Variants in KICS2 observed in about 807,000 individuals in gnomAD.
The protein encoded by KICS2 is KICSTOR complex protein C12orf66.
KICS2 carries 13 observed loss-of-function variants against 31.4 expected under a neutral mutation model. The ratio of observed to expected loss-of-function variants is 0.41; its 90% confidence interval spans 0.27 to 0.66. The LOEUF is 0.66. Ranked by LOEUF, KICS2 falls within the 30% of genes least tolerant of loss-of-function variation. KICS2 has a pLI of 0.28. For missense variants in KICS2, 455 were observed against 545.4 expected (o/e 0.83, Z 1.65); for synonymous variants, 209 against 214.8 (o/e 0.97, Z 0.24).
At chr12:64,210,768 C>A (rs922016686) in intron 2 of KICS2, among the ~76,000 whole-genome samples, 17 of 152,114 alleles carry the variant, frequency 1.1e-4, no homozygotes, top group African/African-American at 4.1e-4. Flanking sequence ...CAGAACAAGA[C>A]CTCATCTCGA....
chr12:64,221,739 G>C, intron 1 of KICS2: 2 of 569,052 alleles, frequency 3.5e-6, no homozygotes, highest in Non-Finnish European at 6.3e-6. Flanking sequence ...CCATGCACGA[G>C]GCAAAAGGGC....
intron 2 of KICS2, among the ~76,000 whole-genome samples, chr12:64,212,585 T>C (rs78168194): frequency 0.012 from 1,764 of 152,322 alleles, 16 homozygotes; most frequent in Non-Finnish European, 0.018. Flanking sequence ...CATTGGTCAA[T>C]GGACATTTGG....
At chr12:64,190,088 C>T (rs2037367793), downstream of KICS2, among the ~76,000 whole-genome samples, 1 of 152,188 alleles carries the variant, frequency 6.6e-6, no homozygotes, top group Admixed American at 6.5e-5. Flanking sequence ...GTTGGTTAGG[C>T]ATTTATCTGC....
At position 64,194,629 on chromosome 12, in the gene KICS2, T is replaced by C; in HGVS notation, c.551A>G (p.Glu184Gly). The change falls in exon 3 of 3, where the codon GAA becomes GGA. Residue 184 changes from glutamate (E) to glycine (G), a missense_variant. By Grantham distance (98) the Glu-to-Gly change is moderately conservative. Coordinates refer to ENST00000398055, the MANE Select transcript of KICS2 (RefSeq NM_152440.5). ...RFHHPILSPL[E>G]SSFQLEVDVL... The stretch of plus-strand genomic sequence containing the variant: ...GTCAACTTCCAGCTGGAAACTGCTT[T>C]CCAAAGGACTGAGGATTGGGTGGTG... 1 of 1,613,756 alleles carries C rather than the reference T, an allele frequency of 6.2e-7. No homozygotes were observed. The highest frequency in any genetic ancestry group is 1.1e-5 in the South Asian group (1 of 91,056).
intron 2 of KICS2, among the ~76,000 whole-genome samples, chr12:64,203,921 G>A (rs998956663): frequency 6.6e-6 from 1 of 152,144 alleles, no homozygotes; most frequent in African/African-American, 2.4e-5. Flanking sequence ...CACAATCCAT[G>A]GAATACTATG....
intron 1 of KICS2, among the ~76,000 whole-genome samples, chr12:64,216,849 T>A (rs1468745783): frequency 6.6e-6 from 1 of 152,082 alleles, no homozygotes; most frequent in East Asian, 1.9e-4. Context: ...CTTAAGCAAT[T>A]CTGCACCCAC....
At chr12:64,197,582 T>C (rs1243267104) in intron 2 of KICS2, among the ~76,000 whole-genome samples, 2 of 149,902 alleles carry the variant, frequency 1.3e-5, no homozygotes, top group South Asian at 2.1e-4. Flanking sequence ...AATGACAGGA[T>C]CAAATGCACA....
rs186883571 is a variant in KICS2, at chr12:64,195,160, C to T, written c.522-502G>A. ...TGGTTTCAAACTCTAAGTGATCTTC[C>T]CACCTTGGCCTTCCAAAGCGCTGGG... On this transcript the variant is annotated intron_variant, in intron 2 of 2. Transcript: ENST00000398055. Among the ~76,000 whole-genome samples the T allele has an allele frequency of 7.9e-3, 1,207 of 152,232 alleles. 18 individuals carry two copies. Among genetic ancestry groups the T allele is most frequent in the African/African-American group, 0.026 (1,095 of 41,530 alleles).
At chr12:64,189,418 C>G (rs2037362697), downstream of KICS2, among the ~76,000 whole-genome samples, 1 of 152,056 alleles carries the variant, frequency 6.6e-6, no homozygotes, top group Admixed American at 6.6e-5. Flanking sequence ...CAAAGAAAAG[C>G]TGAATCTGAT....
Position 64,194,512 on chromosome 12 carries a change from A to C in KICS2, c.668T>G (p.Leu223Arg). Residue 223 changes from leucine to arginine, a missense_variant, in exon 3 of 3, where the codon CTG (leucine) becomes CGG (arginine). Leu to Arg is a moderately radical substitution (Grantham distance 102). Transcript: ENST00000398055. Reference protein sequence around the residue: ...LVNLHSAHTKLQTWGQIFEKQ... With the variant: ...LVNLHSAHTKRQTWGQIFEKQ... Reference sequence around the variant, plus strand: ...CTCAAAGATCTGGCCCCACGTCTGCAGTTTGGTGTGCGCACTGTGTAAATT... The same window carrying C: ...CTCAAAGATCTGGCCCCACGTCTGCCGTTTGGTGTGCGCACTGTGTAAATT... 6.2e-7 allele frequency: 1 copy of C among 1,614,126 alleles called. No homozygotes were observed. Among genetic ancestry groups the C allele is most frequent in the Non-Finnish European group, 8.5e-7 (1 of 1,180,024 alleles).
chr12:64,203,041 A>T (rs1382616255), intron 2 of KICS2, among the ~76,000 whole-genome samples: 1 of 151,944 alleles, frequency 6.6e-6, no homozygotes, highest in Non-Finnish European at 1.5e-5. Flanking sequence ...CCTCTCTCCC[A>T]CTTTAGTAGT....
rs140615462 is a variant in KICS2, at chr12:64,194,623, C to A, written c.557G>T (p.Ser186Ile). The A allele has an allele frequency of 4.3e-6, 7 of 1,613,970 alleles. No individual in the cohort carries two copies. The East Asian group carries it at 1.6e-4, about 36-fold the overall frequency. The stretch of plus-strand genomic sequence containing the variant: ...CAGGACGTCAACTTCCAGCTGGAAA[C>A]TGCTTTCCAAAGGACTGAGGATTGG... ...HHPILSPLES[S>I]FQLEVDVLCH... Residue 186 changes from serine to isoleucine, a missense_variant, in exon 3 of 3, where the codon AGT (serine) becomes ATT (isoleucine). Ser to Ile is a moderately radical substitution (Grantham distance 142, BLOSUM62 -2). Coordinates refer to ENST00000398055, the MANE Select transcript of KICS2 (RefSeq NM_152440.5).
chr12:64,219,444 G>T (rs888094235), intron 1 of KICS2, among the ~76,000 whole-genome samples: 17 of 152,266 alleles, frequency 1.1e-4, no homozygotes, highest in Non-Finnish European at 2.2e-4. Context: ...CAGTAACAGG[G>T]TCAAGACAGG....
At position 64,193,986 on chromosome 12, in the gene KICS2, C is replaced by CA; in HGVS notation, c.1193_1194insT (p.Glu399GlyfsTer11). On this transcript the variant is annotated frameshift_variant, in exon 3 of 3. Transcript: ENST00000398055. LOFTEE classifies it high-confidence loss of function. Reference sequence around the variant, plus strand: ...TGATGACAATGGTAAAGTGAGGTTCCGGGCGGGTTAGGAAGTAGGTACTCT... The same window carrying CA: ...TGATGACAATGGTAAAGTGAGGTTCCAGGGCGGGTTAGGAAGTAGGTACTCT... 6.2e-7 allele frequency: 1 copy of CA among 1,614,146 alleles called. No individual in the cohort carries two copies. Among genetic ancestry groups the CA allele is most frequent in the Non-Finnish European group, 8.5e-7 (1 of 1,180,022 alleles).
chr12:64,217,683 C>T (rs1189027367), intron 1 of KICS2, among the ~76,000 whole-genome samples: 1 of 151,960 alleles, frequency 6.6e-6, no homozygotes, highest in East Asian at 1.9e-4. Context: ...TGCCTATAAT[C>T]CCAGCTACTC....
Position 64,193,304 on chromosome 12 carries a change from T to G in KICS2, c.*538A>C. ...AGTTTCAATAACTGATAGAAATTTCTTACCAAGACCCTAATTTTGGCATCA... is the reference window on the plus strand; with the variant it reads ...AGTTTCAATAACTGATAGAAATTTCGTACCAAGACCCTAATTTTGGCATCA... On this transcript the variant is annotated 3_prime_UTR_variant, in exon 3 of 3. Transcript: ENST00000398055. The G allele has an allele frequency of 1.0e-6, 1 of 985,916 alleles. No individual in the cohort carries two copies. Among genetic ancestry groups the G allele is most frequent in the Non-Finnish European group, 1.2e-6 (1 of 830,340 alleles). The allele number at this position is 985,916 out of a possible 1,614,324, so 61.1% of individuals were successfully genotyped here. A position where few individuals can be genotyped will look rare whatever the true frequency, so the allele number is the denominator to read the frequency against.
At chr12:64,217,800 AAAGAAAAGAAAAG>A (rs1233225576) in intron 1 of KICS2, among the ~76,000 whole-genome samples, 3 of 152,056 alleles carry the variant, frequency 2.0e-5, no homozygotes, top group African/African-American at 4.8e-5. Context: ...GACTCCATCA[AAAGAAAAGAAAAG>A]AAGAAAAGAA....
chr12:64,210,059 A>T (rs2037570079), intron 2 of KICS2, among the ~76,000 whole-genome samples: 1 of 152,250 alleles, frequency 6.6e-6, no homozygotes, highest in Non-Finnish European at 1.5e-5. Context: ...ACATTAACCT[A>T]GCAAAGGGCA....
At chr12:64,221,931 A>T in intron 1 of KICS2, 72 bp downstream of exon 1, 1 of 1,472,380 alleles carries the variant, frequency 6.8e-7, no homozygotes, top group Non-Finnish European at 9.1e-7. Flanking sequence ...GGGAAACCCA[A>T]GCCACTGCCG....
Sources: gnomAD v4.1 joint callset for allele counts (sites outside exome capture counted in the v4.1 genomes callset) on GRCh38, gnomAD v4.1.1 for gene constraint, MANE v1.5 for transcripts, NCBI Gene and HGNC (gene_info 2026-07-23, HGNC 2026-07-21) for gene names.